The following TMEM263 variants were observed in gnomAD, a reference collection of about 807,000 sequenced individuals.
TMEM263 encodes the protein transmembrane protein 263.
Under a neutral mutation model 8.6 loss-of-function variants are expected in TMEM263, and 5 were observed. The ratio of observed to expected loss-of-function variants is 0.58; its 90% CI spans 0.31 to 1.23. The LOEUF (loss-of-function observed/expected upper bound fraction) is 1.23, where lower values mean the gene tolerates loss of function less well. TMEM263 is among the 50% of genes most tolerant of loss of function. The pLI is 0.07. For synonymous variants in TMEM263, 50 were observed against 47.9 expected (o/e 1.04, Z -0.18); for missense variants, 104 against 138.8 (o/e 0.75, Z 1.26).
rs1047168463 is a variant in TMEM263 at position 106,973,841 on chromosome 12, G to C, written c.*2450G>C. On this transcript the variant is annotated 3_prime_UTR_variant, in exon 4 of 4. Coordinates refer to ENST00000280756, the MANE Select transcript of TMEM263 (RefSeq NM_152261.4). Reference sequence around the variant, plus strand: ...GAGGATAAACTTATGTGACCCACTTGAATGGCTGATCTAATAATGTTGACA... The same window carrying C: ...GAGGATAAACTTATGTGACCCACTTCAATGGCTGATCTAATAATGTTGACA... 1 of 152,584 alleles carries C rather than the reference G, an allele frequency of 6.6e-6. No homozygotes were observed. Among genetic ancestry groups the C allele is most frequent in the Non-Finnish European group, 1.5e-5 (1 of 68,034 alleles). 9.5% of individuals were successfully genotyped at this position (152,584 alleles called of 1,614,324 possible).
rs77382349 is a variant in TMEM263 at position 106,958,077 on chromosome 12, A to G, written c.-7+928A>G. Reference sequence around the variant, plus strand: ...AGGATGTGGTAAAGTTCTTTTAGGTAGAATATGTAGAAGAATTTAGCTAAT... The same window carrying G: ...AGGATGTGGTAAAGTTCTTTTAGGTGGAATATGTAGAAGAATTTAGCTAAT... On this transcript the variant is annotated intron_variant, in intron 2 of 3. Coordinates refer to ENST00000280756, the MANE Select transcript of TMEM263 (RefSeq NM_152261.4). 3.0e-3 allele frequency among the ~76,000 whole-genome samples: 463 copies of G among 152,330 alleles called. 1 individual carries two copies. The highest frequency in any genetic ancestry group is 0.01 in the Middle Eastern group (3 of 294).
intron 1 of TMEM263, 61 bp from the exon 2 acceptor site, chr12:106,957,019 CTG>C (rs1438413824): frequency 4.5e-5 from 42 of 925,570 alleles, no homozygotes; most frequent in Non-Finnish European, 5.3e-5. Context: ...CTTGTGAACA[CTG>C]TGCTAATTCC....
chr12:106,958,245 C>A (rs1455191797), intron 2 of TMEM263, among the ~76,000 whole-genome samples: 1 of 151,920 alleles, frequency 6.6e-6, no homozygotes, highest in Non-Finnish European at 1.5e-5. Context: ...TATTTAACTT[C>A]CTTTGGTGTA....
intron 3 of TMEM263, among the ~76,000 whole-genome samples, chr12:106,968,280 A>G (rs1951871252): frequency 6.6e-6 from 1 of 152,150 alleles, no homozygotes; most frequent in Non-Finnish European, 1.5e-5. Context: ...GTTTACACTT[A>G]AGCCATAAAG....
intron 2 of TMEM263, among the ~76,000 whole-genome samples, chr12:106,960,992 G>A (rs181789382): frequency 3.1e-3 from 466 of 151,902 alleles, no homozygotes; most frequent in African/African-American, 0.011. Flanking sequence ...AAGTATATGC[G>A]GATACTTCTC....
At position 106,957,079 on chromosome 12, in the gene TMEM263, T is replaced by C. The variant is rs1951704706; in HGVS notation, c.-74-3T>C. ...TGATTATTTGCTGTATGCTATTGTT[T>C]AGCCTTTGAAACTTCTGCTGGTGTG... On this transcript the variant is annotated splice_polypyrimidine_tract_variant and splice_region_variant and intron_variant, in intron 1 of 3. Coordinates refer to ENST00000280756, the MANE Select transcript of TMEM263 (RefSeq NM_152261.4). 11 of 985,308 alleles carry C rather than the reference T, an allele frequency of 1.1e-5. No homozygotes were observed. Among genetic ancestry groups the C allele is most frequent in the African/African-American group, 1.7e-5 (1 of 57,238 alleles). 61.0% of individuals were successfully genotyped at this position (985,308 alleles called of 1,614,324 possible).
chr12:106,961,224 A>ATTTTTTTTTTTTTTTTTTTTTTTTTT (rs554707654), intron 2 of TMEM263, among the ~76,000 whole-genome samples: 3 of 75,116 alleles, frequency 4.0e-5, no homozygotes, highest in African/African-American at 1.8e-4. Flanking sequence ...TGCCCAGTCA[A>ATTTTTTTTTTTTTTTTTTTTTTTTTT]TTTTTTTTTT....
chr12:106,958,418 G>A (rs1269725288), intron 2 of TMEM263, among the ~76,000 whole-genome samples: 2 of 152,064 alleles, frequency 1.3e-5, no homozygotes, highest in Admixed American at 1.3e-4. Context: ...TTCTATTATT[G>A]GAATAAATTA....
At chr12:106,965,871 A>G (rs902098916) in intron 2 of TMEM263, among the ~76,000 whole-genome samples, 3 of 152,152 alleles carry the variant, frequency 2.0e-5, no homozygotes, top group African/African-American at 4.8e-5. Flanking sequence ...AAGAACAGCA[A>G]AAAGTCATCA....
In TMEM263 at chr12:106,973,545, T is replaced by C. The variant is rs1951956395; in HGVS notation, c.*2154T>C. 1 of 152,616 alleles carries C rather than the reference T, an allele frequency of 6.6e-6. No individual in the cohort carries two copies. Among genetic ancestry groups the C allele is most frequent in the Non-Finnish European group, 1.5e-5 (1 of 68,030 alleles). 9.5% of individuals were successfully genotyped at this position (152,616 alleles called of 1,614,324 possible). A position where few individuals can be genotyped will look rare whatever the true frequency, so the allele number is the denominator to read the frequency against. ...GTCTCATCAGGATTGTTTTAAATTC[T>C]AAACTATAAGTTTGTTCAGAGGGGC... On this transcript the variant is annotated 3_prime_UTR_variant, in exon 4 of 4. Transcript: ENST00000280756.
chr12:106,965,264 G>A lies in TMEM263; in HGVS notation c.-6-1847G>A, dbSNP rs545111956. Among the ~76,000 whole-genome samples, 8 of 152,150 alleles carry A rather than the reference G, an allele frequency of 5.3e-5. No individual in the cohort carries two copies. The East Asian group carries it at 9.7e-4, about 18-fold the overall frequency. The stretch of plus-strand genomic sequence containing the variant: ...ATCCTTACCTTCTTTGAGTGTCATC[G>A]CAGTAAAGCCTTCACAGACTATCCT... On this transcript the variant is annotated intron_variant, in intron 2 of 3. Coordinates refer to ENST00000280756, the MANE Select transcript of TMEM263 (RefSeq NM_152261.4).
Position 106,972,677 on chromosome 12 carries a change from G to T in TMEM263, c.*1286G>T, listed in dbSNP as rs747075412. The stretch of plus-strand genomic sequence containing the variant: ...ATCTTATTAATATGTCTCATGTCTC[G>T]TTCCTTCTTAATATGATTTAGCTGG... On this transcript the variant is annotated 3_prime_UTR_variant, in exon 4 of 4. Transcript: ENST00000280756. 2.6e-5 allele frequency: 4 copies of T among 151,974 alleles called. No homozygotes were observed. The allele number at this position is 151,974 out of a possible 1,614,324, so 9.4% of individuals were successfully genotyped here. A position where few individuals can be genotyped will look rare whatever the true frequency, so the allele number is the denominator to read the frequency against.
At chr12:106,961,224 A>ATTTTTT (rs554707654) in intron 2 of TMEM263, among the ~76,000 whole-genome samples, 1 of 75,130 alleles carries the variant, frequency 1.3e-5, no homozygotes, top group Non-Finnish European at 2.5e-5. Flanking sequence ...TGCCCAGTCA[A>ATTTTTT]TTTTTTTTTT....
chr12:106,958,461 C>T (rs952275186), intron 2 of TMEM263, among the ~76,000 whole-genome samples: 1 of 152,182 alleles, frequency 6.6e-6, no homozygotes, highest in Admixed American at 6.5e-5. Context: ...AATCCTTGCT[C>T]AGTGTATTTG....
chr12:106,966,736 T>A (rs1301996156), intron 2 of TMEM263, among the ~76,000 whole-genome samples: 1 of 152,210 alleles, frequency 6.6e-6, no homozygotes, highest in Non-Finnish European at 1.5e-5. Context: ...TAAATTACAA[T>A]TAAATTAACC....
chr12:106,973,838 C>G lies in TMEM263; in HGVS notation c.*2447C>G, dbSNP rs1432249645. On this transcript the variant is annotated 3_prime_UTR_variant, in exon 4 of 4. Transcript: ENST00000280756. The stretch of plus-strand genomic sequence containing the variant: ...AATGAGGATAAACTTATGTGACCCA[C>G]TTGAATGGCTGATCTAATAATGTTG... The G allele has an allele frequency of 6.6e-6, 1 of 152,584 alleles. No individual in the cohort carries two copies. The highest frequency in any genetic ancestry group is 6.5e-5 in the Admixed American group (1 of 15,280). 9.5% of individuals were successfully genotyped at this position (152,584 alleles called of 1,614,324 possible).
chr12:106,966,966 G>C (rs1409984228), intron 2 of TMEM263, 145 bp from the exon 3 acceptor site: 4 of 599,326 alleles, frequency 6.7e-6, no homozygotes, highest in Non-Finnish European at 1.2e-5. Context: ...AAGTAGGAGA[G>C]AAACAAGATG....
Position 106,956,023 on chromosome 12 carries a change from A to G in TMEM263, c.-117A>G, listed in dbSNP as rs1215845059. Reference sequence around the variant, plus strand: ...AGCTCTCCTCTGCGCCGGCCCGCTCACTCCGCCCGGCCCCAGCCCTAGCGC... The same window carrying G: ...AGCTCTCCTCTGCGCCGGCCCGCTCGCTCCGCCCGGCCCCAGCCCTAGCGC... On this transcript the variant is annotated 5_prime_UTR_variant, in exon 1 of 4. Coordinates refer to ENST00000280756, the MANE Select transcript of TMEM263 (RefSeq NM_152261.4). The G allele has an allele frequency of 2.0e-6, 2 of 985,596 alleles. No homozygotes were observed. The highest frequency in any genetic ancestry group is 4.7e-5 in the South Asian group (1 of 21,298). The allele number at this position is 985,596 out of a possible 1,614,324, so 61.1% of individuals were successfully genotyped here.
In TMEM263 at chr12:106,961,901, G is replaced by A. The variant is rs903576572; in HGVS notation, c.-7+4752G>A. Among the ~76,000 whole-genome samples the A allele has an allele frequency of 2.0e-5, 3 of 151,706 alleles. 1 individual carries two copies. The South Asian group carries it at 6.2e-4, about 31-fold the overall frequency. On this transcript the variant is annotated intron_variant, in intron 2 of 3. Coordinates refer to ENST00000280756, the MANE Select transcript of TMEM263 (RefSeq NM_152261.4). The stretch of plus-strand genomic sequence containing the variant: ...TTTCTTAAAGCATCATGTGATTCAA[G>A]TATGTTGTTTTTTAGATTATTAACT...
Sources: gnomAD v4.1 joint callset for allele counts (sites outside exome capture counted in the v4.1 genomes callset) on GRCh38, gnomAD v4.1.1 for gene constraint, MANE v1.5 for transcripts, NCBI Gene and HGNC (gene_info 2026-07-23, HGNC 2026-07-21) for gene names.